Variants in THSD7B observed in about 807,000 individuals in gnomAD.
The protein encoded by THSD7B is thrombospondin type-1 domain-containing protein 7B.
A neutral mutation model predicts 213.6 loss-of-function variants in THSD7B; 138 were observed. The observed-to-expected ratio is 0.65, with a 90% CI of 0.56 to 0.74. The LOEUF (loss-of-function observed/expected upper bound fraction) is 0.74. Among genes scored for constraint, THSD7B ranks in the 30% least tolerant of loss-of-function variants. The pLI is 0.00. For missense variants in THSD7B, 1,931 were observed against 1,991.5 expected (o/e 0.97, Z 0.58); for synonymous variants, 742 against 687.0 (o/e 1.08, Z -1.25).
intron 15 of THSD7B, among the ~76,000 whole-genome samples, chr2:137,523,868 G>C (rs544821155): frequency 6.6e-6 from 1 of 152,212 alleles, no homozygotes; most frequent in Non-Finnish European, 1.5e-5. Context: ...TAAATGTGAA[G>C]CCATGGTTGA....
intron 7 of THSD7B, among the ~76,000 whole-genome samples, chr2:137,178,830 G>C (rs1200780745): frequency 6.6e-6 from 1 of 152,196 alleles, no homozygotes; most frequent in African/African-American, 2.4e-5. Flanking sequence ...TGCATACGTA[G>C]ACATTGCAAG....
chr2:137,632,468 T>C (rs976720539), intron 20 of THSD7B, among the ~76,000 whole-genome samples: 1 of 152,168 alleles, frequency 6.6e-6, no homozygotes, highest in African/African-American at 2.4e-5. Flanking sequence ...GATTTGCAAA[T>C]TCACTCTCTC....
chr2:137,059,741 C>T (rs549135747), intron 3 of THSD7B, among the ~76,000 whole-genome samples: 1 of 152,092 alleles, frequency 6.6e-6, no homozygotes, highest in African/African-American at 2.4e-5. Flanking sequence ...AATAATATTC[C>T]ATTTTGTGGT....
intron 2 of THSD7B, among the ~76,000 whole-genome samples, chr2:136,956,198 A>G (rs1242268613): frequency 1.3e-5 from 2 of 152,214 alleles, no homozygotes; most frequent in Admixed American, 6.5e-5. Flanking sequence ...ATCCTGAACT[A>G]AACCTTTGAT....
chr2:137,523,735 G>GC (rs1680228688), intron 15 of THSD7B, among the ~76,000 whole-genome samples: 1 of 152,134 alleles, frequency 6.6e-6, no homozygotes, highest in African/African-American at 2.4e-5. Context: ...TTACTCCACT[G>GC]TGCTGTTTCA....
intron 10 of THSD7B, among the ~76,000 whole-genome samples, chr2:137,261,773 C>T (rs758594709): frequency 6.6e-6 from 1 of 152,054 alleles, no homozygotes; most frequent in Non-Finnish European, 1.5e-5. Context: ...TTCCTTTAGT[C>T]ATGTTTTACA....
chr2:136,772,607 T>C (rs1021505241), intron 1 of THSD7B, among the ~76,000 whole-genome samples: 1 of 152,084 alleles, frequency 6.6e-6, no homozygotes, highest in Non-Finnish European at 1.5e-5. Flanking sequence ...GCATAATGAA[T>C]ACAAAAAAGG....
At chr2:137,620,584 A>C in intron 19 of THSD7B, 25 bp from the exon 20 acceptor site, 1 of 1,564,872 alleles carries the variant, frequency 6.4e-7, no homozygotes, top group Non-Finnish European at 8.8e-7. Flanking sequence ...TCTCCAATAA[A>C]GTTGTGTTTC....
At chr2:137,014,265 T>C (rs920260239) in intron 2 of THSD7B, among the ~76,000 whole-genome samples, 4 of 152,310 alleles carry the variant, frequency 2.6e-5, no homozygotes, top group African/African-American at 9.6e-5. Flanking sequence ...TGGCTCAGCA[T>C]TCACACGTCT....
intron 2 of THSD7B, among the ~76,000 whole-genome samples, chr2:136,959,263 C>A (rs13400178): frequency 0.041 from 6,298 of 152,266 alleles, 272 homozygotes; most frequent in African/African-American, 0.1. Flanking sequence ...TGTGTCAAGA[C>A]TTCCTTGACT....
chr2:137,227,899 T>A (rs904966055), intron 7 of THSD7B, among the ~76,000 whole-genome samples: 1 of 152,162 alleles, frequency 6.6e-6, no homozygotes, highest in African/African-American at 2.4e-5. Context: ...TTTTTTAAGG[T>A]TCCCCTATAT....
chr2:137,078,237 T>C (rs974311218), intron 3 of THSD7B, among the ~76,000 whole-genome samples: 2 of 152,206 alleles, frequency 1.3e-5, no homozygotes, highest in Admixed American at 1.3e-4. Context: ...AGCCTTGTAG[T>C]GTAGTTTGAA....
rs1282096898 is a variant in THSD7B, at chr2:137,656,844, C to T, written c.4154C>T (p.Thr1385Ile). The T allele has an allele frequency of 6.2e-7, 1 of 1,613,958 alleles. No homozygotes were observed. Among genetic ancestry groups the T allele is most frequent in the African/African-American group, 1.3e-5 (1 of 75,026 alleles). ...TCAGAGTGGAGCACATGTGAATTAA[C>T]CTGCATTGATGGAAGAAGCTTTGAG... ...EWSEWSTCEL[T>I]CIDGRSFETV... Residue 1385 changes from threonine (T) to isoleucine (I), a missense_variant, in exon 23 of 28, where the codon ACC becomes ATC. Physicochemically the swap from Thr to Ile is moderately conservative, Grantham distance 89. Coordinates refer to ENST00000409968, the MANE Select transcript of THSD7B (RefSeq NM_001316349.2).
chr2:136,932,323 C>A (rs1300540175), intron 2 of THSD7B, among the ~76,000 whole-genome samples: 1 of 152,156 alleles, frequency 6.6e-6, no homozygotes, highest in Non-Finnish European at 1.5e-5. Context: ...AATTAATCTG[C>A]AAATTAATCC....
intron 1 of THSD7B, among the ~76,000 whole-genome samples, chr2:136,837,282 T>C (rs1226817597): frequency 6.6e-6 from 1 of 152,246 alleles, no homozygotes; most frequent in Non-Finnish European, 1.5e-5. Context: ...TGCCTGTGGC[T>C]CTTTATTTAT....
intron 3 of THSD7B, among the ~76,000 whole-genome samples, chr2:137,063,646 C>T (rs1406994744): frequency 9.4e-6 from 1 of 106,562 alleles, no homozygotes; most frequent in Non-Finnish European, 1.8e-5. Flanking sequence ...TTACTGTGTG[C>T]CCATTAATCT....
intron 10 of THSD7B, among the ~76,000 whole-genome samples, chr2:137,254,396 T>C (rs2105076314): frequency 6.6e-6 from 1 of 152,356 alleles, no homozygotes; most frequent in East Asian, 1.9e-4. Context: ...CAAGCTCTGT[T>C]GCAAGTGTGT....
chr2:137,383,406 C>A (rs556588932), intron 12 of THSD7B, among the ~76,000 whole-genome samples: 8 of 152,266 alleles, frequency 5.3e-5, no homozygotes, highest in East Asian at 3.9e-4. Context: ...AAACCCTCAG[C>A]CTAGGGGGTG....
At chr2:136,898,009 T>G (rs1683993207) in intron 2 of THSD7B, among the ~76,000 whole-genome samples, 1 of 152,124 alleles carries the variant, frequency 6.6e-6, no homozygotes, top group African/African-American at 2.4e-5. Context: ...AGAGTGCTGA[T>G]TGGTGCGTTT....
Sources: gnomAD v4.1 joint callset for allele counts (sites outside exome capture counted in the v4.1 genomes callset) on GRCh38, gnomAD v4.1.1 for gene constraint, MANE v1.5 for transcripts, NCBI Gene and HGNC (gene_info 2026-07-23, HGNC 2026-07-21) for gene names.